The following RIT2 variants were observed in gnomAD, a reference collection of about 807,000 sequenced individuals.
The protein encoded by RIT2 is GTP-binding protein Rit2.
RIT2 carries 24 observed loss-of-function variants against 23.7 expected under a neutral mutation model. The observed-to-expected ratio is 1.01, with a 90% CI of 0.73 to 1.43. RIT2 has a LOEUF of 1.43. Ranked by LOEUF, RIT2 falls within the 40% of genes most tolerant of loss-of-function variation. The pLI is 0.00. For synonymous variants in RIT2, 107 were observed against 91.1 expected (o/e 1.17, Z -0.99); for missense variants, 236 against 266.9 (o/e 0.88, Z 0.81).
rs552123018 is a variant in RIT2, at chr18:42,753,675, C to T, written c.427-9955G>A. On this transcript the variant is annotated intron_variant, in intron 4 of 4. Transcript: ENST00000326695. ...AATTTCCTGAGAAATTTGTGAACAA[C>T]ACATCTTATTTGCTAACTTGAAGGA... 6.6e-5 allele frequency among the ~76,000 whole-genome samples: 10 copies of T among 152,262 alleles called. No homozygotes were observed. In the South Asian group the frequency reaches 2.1e-3, roughly 32 times the overall value.
intron 3 of RIT2, among the ~76,000 whole-genome samples, chr18:42,951,029 T>C (rs1377428157): frequency 2.0e-5 from 3 of 152,052 alleles, no homozygotes; most frequent in Non-Finnish European, 2.9e-5. Flanking sequence ...GAGAACTTAA[T>C]GCAGAACTGC....
At chr18:42,824,884 G>C (rs1023676722) in intron 4 of RIT2, among the ~76,000 whole-genome samples, 1 of 151,802 alleles carries the variant, frequency 6.6e-6, no homozygotes, top group South Asian at 2.1e-4. Flanking sequence ...ATTTCAGCAA[G>C]TTATTCTATG....
At chr18:42,802,124 TTAGA>T (rs1402639403) in intron 4 of RIT2, among the ~76,000 whole-genome samples, 2 of 152,136 alleles carry the variant, frequency 1.3e-5, no homozygotes, top group African/African-American at 4.8e-5. Flanking sequence ...ATAGTCAGAA[TTAGA>T]TAGAGTTGAA....
At chr18:42,903,935 G>T (rs774208037) in intron 4 of RIT2, among the ~76,000 whole-genome samples, 1 of 151,906 alleles carries the variant, frequency 6.6e-6, no homozygotes, top group African/African-American at 2.4e-5. Flanking sequence ...ATTATAAAAC[G>T]CATGTGGCAG....
chr18:42,762,838 A>G (rs1304236417), intron 4 of RIT2, among the ~76,000 whole-genome samples: 6 of 152,140 alleles, frequency 3.9e-5, no homozygotes, highest in Admixed American at 3.3e-4. Context: ...TAACTAGTAC[A>G]CCCTCCATAA....
At chr18:43,075,400 G>A (rs1912990615) in intron 1 of RIT2, among the ~76,000 whole-genome samples, 1 of 152,072 alleles carries the variant, frequency 6.6e-6, no homozygotes, top group South Asian at 2.1e-4. Context: ...TTTCTTTTCT[G>A]CTTGTCCATG....
At chr18:42,979,878 T>C (rs1910557093) in intron 2 of RIT2, among the ~76,000 whole-genome samples, 2 of 152,174 alleles carry the variant, frequency 1.3e-5, no homozygotes, top group Admixed American at 6.6e-5. Context: ...TGTATTTTAA[T>C]GAGTGCTACA....
chr18:42,935,592 A>C (rs1471376861), intron 3 of RIT2, among the ~76,000 whole-genome samples: 6 of 152,138 alleles, frequency 3.9e-5, no homozygotes, highest in Non-Finnish European at 7.3e-5. Context: ...TAGTGTGTTC[A>C]TCTTTATACA....
chr18:42,757,605 C>T lies in RIT2; in HGVS notation c.427-13885G>A, dbSNP rs679462. Among the ~76,000 whole-genome samples the T allele has an allele frequency of 1.3e-3, 201 of 152,146 alleles. 1 individual carries two copies. Among genetic ancestry groups the T allele is most frequent in the African/African-American group, 4.6e-3 (190 of 41,470 alleles). On this transcript the variant is annotated intron_variant, in intron 4 of 4. Coordinates refer to ENST00000326695, the MANE Select transcript of RIT2 (RefSeq NM_002930.4). The stretch of plus-strand genomic sequence containing the variant: ...TCTACGTTTTCTGGCCTTACACACA[C>T]GGAGACAGGCATTTTTTGAAAATGT...
At chr18:42,857,146 G>T (rs1239765378) in intron 4 of RIT2, among the ~76,000 whole-genome samples, 3 of 152,080 alleles carry the variant, frequency 2.0e-5, no homozygotes, top group African/African-American at 7.2e-5. Flanking sequence ...TCCAACTAGG[G>T]TTAGTTGTGA....
Position 42,743,388 on chromosome 18 carries a change from AAGAG to A in RIT2, c.*101_*104del, listed in dbSNP as rs1404026331. ...GCTTTTACCTACAGGCAGATATTTA[AAGAG>A]AGAGAGACACATAGAGAGATAATAT... On this transcript the variant is annotated 3_prime_UTR_variant, in exon 5 of 5. Transcript: ENST00000326695. 1 of 821,928 alleles carries A rather than the reference AAGAG, an allele frequency of 1.2e-6. No individual in the cohort carries two copies. Among genetic ancestry groups the A allele is most frequent in the Non-Finnish European group, 2.0e-6 (1 of 509,662 alleles). The allele number at this position is 821,928 out of a possible 1,614,324, so 50.9% of individuals were successfully genotyped here. A position where few individuals can be genotyped will look rare whatever the true frequency, so the allele number is the denominator to read the frequency against.
At chr18:43,064,094 T>C (rs1406730068) in intron 1 of RIT2, among the ~76,000 whole-genome samples, 1 of 152,144 alleles carries the variant, frequency 6.6e-6, no homozygotes, top group Non-Finnish European at 1.5e-5. Context: ...ATTTATTCAA[T>C]AAGGTCTGAT....
intron 4 of RIT2, among the ~76,000 whole-genome samples, chr18:42,783,505 A>C (rs754460879): frequency 2.6e-5 from 4 of 151,850 alleles, no homozygotes; most frequent in Non-Finnish European, 4.4e-5. Flanking sequence ...AACTGAAATA[A>C]CACTTAAATT....
intron 2 of RIT2, among the ~76,000 whole-genome samples, chr18:43,023,863 A>G (rs1315684705): frequency 2.0e-5 from 3 of 152,082 alleles, no homozygotes; most frequent in African/African-American, 7.2e-5. Flanking sequence ...TTTGAAAAAA[A>G]GGCATTTGAA....
rs558579000 is a variant in RIT2 at position 42,832,355 on chromosome 18, A to G, written c.427-88635T>C. ...AAATAATGTAAATACCAAGTGAAAA[A>G]TGTTGATGAAATAAACTTATATAGG... On this transcript the variant is annotated intron_variant, in intron 4 of 4. Transcript: ENST00000326695. Among the ~76,000 whole-genome samples the G allele has an allele frequency of 1.5e-3, 230 of 152,328 alleles. 1 individual carries two copies. Among genetic ancestry groups the G allele is most frequent in the African/African-American group, 5.4e-3 (224 of 41,574 alleles).
intron 3 of RIT2, among the ~76,000 whole-genome samples, chr18:42,930,393 A>G (rs1447914627): frequency 6.6e-6 from 1 of 152,110 alleles, no homozygotes; most frequent in Non-Finnish European, 1.5e-5. Context: ...TGAAGAGAAA[A>G]GAATTATGAA....
At chr18:42,926,453 T>C (rs1003274122) in intron 3 of RIT2, among the ~76,000 whole-genome samples, 2 of 151,966 alleles carry the variant, frequency 1.3e-5, no homozygotes, top group African/African-American at 4.8e-5. Context: ...CTGTATATTG[T>C]TTTTTAAATT....
intron 1 of RIT2, among the ~76,000 whole-genome samples, chr18:43,061,441 G>A (rs1912642881): frequency 6.6e-6 from 1 of 152,074 alleles, no homozygotes; most frequent in Admixed American, 6.6e-5. Flanking sequence ...TATGCTACAG[G>A]TGATAGCAAG....
intron 2 of RIT2, among the ~76,000 whole-genome samples, chr18:43,013,572 C>A (rs1381145318): frequency 2.0e-5 from 3 of 151,738 alleles, no homozygotes; most frequent in Admixed American, 6.6e-5. Context: ...ATTACAGGAG[C>A]ATTTCTGTAT....
Sources: allele counts gnomAD v4.1 joint callset (sites outside exome capture counted in the v4.1 genomes callset), GRCh38; gene constraint gnomAD v4.1.1; transcripts MANE v1.5; gene names NCBI Gene and HGNC (gene_info 2026-07-23, HGNC 2026-07-21).